The following ODF2 variants were observed in gnomAD, a reference collection of about 807,000 sequenced individuals.
ODF2 encodes the protein outer dense fiber protein 2.
ODF2 carries 47 observed loss-of-function variants against 110.2 expected under a neutral mutation model. The observed-to-expected ratio is 0.43, with a 90% confidence interval of 0.34 to 0.54. The LOEUF (loss-of-function observed/expected upper bound fraction) is 0.54. Among genes scored for constraint, ODF2 ranks in the 20% least tolerant of loss-of-function variants. The pLI is 0.03. For missense variants in ODF2, 812 were observed against 1,054.5 expected (o/e 0.77, Z 3.19); for synonymous variants, 352 against 397.7 (o/e 0.89, Z 1.37).
chr9:128,467,975 A>G (rs1455053438), intron 4 of ODF2, among the ~76,000 whole-genome samples: 9 of 152,140 alleles, frequency 5.9e-5, no homozygotes, highest in East Asian at 1.9e-4. Flanking sequence ...GATTACAGGC[A>G]TGAGCCACCG....
At chr9:128,488,889 C>A (rs1438901949) in intron 14 of ODF2, among the ~76,000 whole-genome samples, 1 of 152,166 alleles carries the variant, frequency 6.6e-6, no homozygotes, top group East Asian at 1.9e-4. Context: ...TGCCTGTAAT[C>A]CCAGCTACTC....
chr9:128,470,718 C>G (rs74541078), intron 5 of ODF2, among the ~76,000 whole-genome samples: 1 of 151,988 alleles, frequency 6.6e-6, no homozygotes, highest in Non-Finnish European at 1.5e-5. Context: ...AGCCAAACCA[C>G]GGTTTGCAAC....
In ODF2 at chr9:128,469,298, G is replaced by A. The variant is rs35903554; in HGVS notation, c.365G>A (p.Arg122His). 6,529 of 1,614,104 alleles carry A rather than the reference G, an allele frequency of 4.0e-3. 21 individuals carry two copies. Among genetic ancestry groups the A allele is most frequent in the Non-Finnish European group, 5.0e-3 (5,912 of 1,179,950 alleles). Residue 122 changes from arginine (R) to histidine (H), a missense_variant, in exon 5 of 21, where the codon CGT becomes CAT. Arg to His is a conservative substitution (Grantham distance 29). This residue lies in a region of ODF2 where 219 missense variants were observed against 321.3 expected (regional missense o/e 0.68). Transcript: ENST00000604420. ...GACTCAGGTCACTGTAAAATGAACC[G>A]TTATGATAAGAAGATTGATAGTCTA...
At chr9:128,464,378 A>G (rs1368972674) in intron 4 of ODF2, among the ~76,000 whole-genome samples, 2 of 148,292 alleles carry the variant, frequency 1.3e-5, no homozygotes, top group Non-Finnish European at 3.0e-5. Flanking sequence ...CTGGTCTCGA[A>G]CTCTTGACCT....
At chr9:128,456,986 C>T (rs1227341115) in intron 1 of ODF2, 9 of 1,250,260 alleles carry the variant, frequency 7.2e-6, no homozygotes, top group Non-Finnish European at 1.0e-6. Context: ...GCGGTTCTGG[C>T]CCTCTGGGGC....
chr9:128,496,048 A>C, exon 18 of ODF2: 1 of 1,613,824 alleles, frequency 6.2e-7, no homozygotes, highest in Non-Finnish European at 8.5e-7. Context: ...TAGATCGAAC[A>C]CCAGGGGGAC....
chr9:128,462,631 G>A (rs1172550184), intron 4 of ODF2, among the ~76,000 whole-genome samples: 27 of 147,256 alleles, frequency 1.8e-4, no homozygotes, highest in South Asian at 4.3e-4. Context: ...ACGGAGTCTC[G>A]CTCTGTCACC....
intron 18 of ODF2, 182 bp from the exon 19 acceptor site, chr9:128,498,231 C>A (rs748671778): frequency 1.8e-5 from 15 of 850,678 alleles, no homozygotes; most frequent in Admixed American, 3.8e-5. Flanking sequence ...ACCAGTTGCT[C>A]CAGCTGCACA....
At chr9:128,470,378 C>T (rs571157120) in intron 5 of ODF2, among the ~76,000 whole-genome samples, 9 of 151,998 alleles carry the variant, frequency 5.9e-5, no homozygotes, top group Admixed American at 1.3e-4. Context: ...TGCCTATAAT[C>T]CTAGCACTTT....
chr9:128,469,138 G>A, intron 4 of ODF2, 45 bp from the exon 5 acceptor site: 1 of 1,591,284 alleles, frequency 6.3e-7, no homozygotes, highest in South Asian at 1.1e-5. Context: ...TCGTGGTCAA[G>A]GTTCTGCCTT....
At chr9:128,455,572 A>AGTGC, upstream of ODF2, among the ~76,000 whole-genome samples, 2 of 61,866 alleles carry the variant, frequency 3.2e-5, no homozygotes, top group Admixed American at 1.5e-4. Flanking sequence ...AAAAAAAAAA[A>AGTGC]AAAAAAAAAA....
chr9:128,500,266 C>G, exon 21 of ODF2: 1 of 1,613,774 alleles, frequency 6.2e-7, no homozygotes, highest in African/African-American at 1.3e-5. Flanking sequence ...GGCCACTTAT[C>G]AGGGCCTGGA....
At chr9:128,476,241 G>A (rs972595607) in intron 8 of ODF2, among the ~76,000 whole-genome samples, 3 of 152,138 alleles carry the variant, frequency 2.0e-5, no homozygotes, top group Non-Finnish European at 4.4e-5. Context: ...GCAAAGAGAT[G>A]ACAATAGTCT....
chr9:128,472,894 G>A lies in ODF2; in HGVS notation c.582-19G>A, dbSNP rs1206235443. The stretch of plus-strand genomic sequence containing the variant: ...GCGGGGGCCTGGGAGGGCTCACAGA[G>A]CCGTCTTTCTGGCCCCAGACTTCAG... On this transcript the variant is annotated intron_variant, in intron 6 of 20. Coordinates refer to ENST00000604420, the Ensembl canonical transcript of ODF2. 6.2e-7 allele frequency: 1 copy of A among 1,613,592 alleles called. No homozygotes were observed. The highest frequency in any genetic ancestry group is 8.5e-7 in the Non-Finnish European group (1 of 1,179,702).
In ODF2 at chr9:128,498,408, C is replaced by T; in HGVS notation, c.2013-5C>T. On this transcript the variant is annotated splice_polypyrimidine_tract_variant and splice_region_variant and intron_variant, in intron 18 of 20. Transcript: ENST00000604420. ...CCCAGGATCTGATTGAGTGCTTTCA[C>T]CTAGGAAACTGGAGGCGACCAGTGC... 1 of 1,580,546 alleles carries T rather than the reference C, an allele frequency of 6.3e-7. No homozygotes were observed. The highest frequency in any genetic ancestry group is 1.2e-5 in the South Asian group (1 of 85,670).
chr9:128,461,318 C>A, intron 4 of ODF2: 1 of 491,270 alleles, frequency 2.0e-6, no homozygotes, highest in Non-Finnish European at 3.7e-6. Context: ...TTCCCAGAGT[C>A]ACAGAGAAGT....
At chr9:128,474,656 A>G (rs1268025626) in intron 8 of ODF2, among the ~76,000 whole-genome samples, 1 of 145,798 alleles carries the variant, frequency 6.9e-6, no homozygotes, top group Non-Finnish European at 1.5e-5. Flanking sequence ...GCGAGACTCC[A>G]TCTAAAAAAA....
At chr9:128,498,519 G>A in exon 19 of ODF2, 4 of 1,611,736 alleles carry the variant, frequency 2.5e-6, no homozygotes, top group Non-Finnish European at 3.4e-6. Flanking sequence ...GAAAACACGG[G>A]AATGTGGGAC....
chr9:128,499,889 C>T (rs1258830988), intron 20 of ODF2, among the ~76,000 whole-genome samples, 178 bp from the exon 21 acceptor site: 1 of 152,218 alleles, frequency 6.6e-6, no homozygotes, highest in East Asian at 1.9e-4. Flanking sequence ...GGATTATAGG[C>T]ATGAGCCACT....
Sources: allele counts gnomAD v4.1 joint callset (sites outside exome capture counted in the v4.1 genomes callset), GRCh38; gene constraint gnomAD v4.1.1; regional missense constraint gnomAD v4.1.1; transcripts MANE v1.5; gene names NCBI Gene and HGNC (gene_info 2026-07-23, HGNC 2026-07-21).